AGBL4: variants seen among roughly 807,000 people sequenced by gnomAD.
AGBL4 encodes AGBL carboxypeptidase 4, also known as cytosolic carboxypeptidase 6.
In AGBL4, 58 loss-of-function variants were observed where a neutral mutation model predicts 66.4. The observed-to-expected ratio is 0.87, with a 90% CI of 0.71 to 1.09. The LOEUF (loss-of-function observed/expected upper bound fraction) is 1.09. Ranked by LOEUF, AGBL4 falls within the 50% of genes least tolerant of loss-of-function variation. The probability of loss-of-function intolerance (pLI) is 0.00; values close to 1 mark genes in which losing one functional copy is unlikely to be tolerated. For synonymous variants in AGBL4, 234 were observed against 222.9 expected, an observed-to-expected ratio of 1.05 and a Z score of -0.44; for missense variants, 579 against 631.0, an observed-to-expected ratio of 0.92 and a Z score of 0.88.
intron 8 of AGBL4, 34 bp from the exon 9 acceptor site, chr1:48,634,638 C>CA (rs1211653544): frequency 2.0e-6 from 3 of 1,479,210 alleles, no homozygotes; most frequent in Admixed American, 2.0e-5. Context: ...TCAATATAGA[C>CA]AGGATAAGCT....
chr1:48,576,026 G>C (rs936622333), intron 11 of AGBL4, among the ~76,000 whole-genome samples: 4 of 152,146 alleles, frequency 2.6e-5, no homozygotes, highest in Admixed American at 2.6e-4. Context: ...TAGAGCCACA[G>C]AGAACAGATC....
Position 50,019,306 on chromosome 1 carries a change from T to TCTCTCTCACACACA in AGBL4, c.34+4456_34+4457insTGTGTGTGAGAGAG, listed in dbSNP as rs1167835143. ...CTCTCTCTCTCTCTCTCTCTCTCTC[T>TCTCTCTCACACACA]CACACACACACACACACACACACAC... On this transcript the variant is annotated intron_variant, in intron 1 of 13. Transcript: ENST00000371839. 6.0e-3 allele frequency among the ~76,000 whole-genome samples: 288 copies of TCTCTCTCACACACA among 48,400 alleles called. 3 individuals are homozygous for TCTCTCTCACACACA. The highest frequency in any genetic ancestry group is 0.011 in the African/African-American group (155 of 13,504). The allele number at this position is 48,400 out of a possible 152,430, so 31.8% of individuals were successfully genotyped here.
At chr1:49,990,040 T>G (rs1051043059) in intron 1 of AGBL4, among the ~76,000 whole-genome samples, 1 of 152,206 alleles carries the variant, frequency 6.6e-6, no homozygotes, top group Admixed American at 6.5e-5. Context: ...TGTTAAATCC[T>G]GTGCCTCTAG....
At chr1:49,886,704 C>G (rs900654062) in intron 1 of AGBL4, among the ~76,000 whole-genome samples, 11 of 152,134 alleles carry the variant, frequency 7.2e-5, no homozygotes, top group African/African-American at 2.4e-4. Context: ...AGACCATTCT[C>G]CTTCCATACA....
rs540535305 is a variant in AGBL4, at chr1:49,232,751, T to C, written c.377+13019A>G. 6.9e-3 allele frequency among the ~76,000 whole-genome samples: 16 copies of C among 2,332 alleles called. No homozygotes were observed. In the South Asian group the frequency reaches 0.5, roughly 73 times the overall value. The allele number at this position is 2,332 out of a possible 152,430, so 1.5% of individuals were successfully genotyped here. A position where few individuals can be genotyped will look rare whatever the true frequency, so the allele number is the denominator to read the frequency against. On this transcript the variant is annotated intron_variant, in intron 4 of 13. Transcript: ENST00000371839. ...GGAAGTCAGAGTGTACTGCTGACTT[T>C]ATGGTTTTTTTGTTTTGTTAATCAT...
intron 2 of AGBL4, among the ~76,000 whole-genome samples, chr1:49,711,632 CTT>C (rs1337856718): frequency 1.3e-5 from 2 of 152,036 alleles, no homozygotes; most frequent in Non-Finnish European, 2.9e-5. Flanking sequence ...TATTTGCTCT[CTT>C]GATTGTGGCG....
At chr1:49,963,916 A>G (rs1300151293) in intron 1 of AGBL4, among the ~76,000 whole-genome samples, 1 of 152,078 alleles carries the variant, frequency 6.6e-6, no homozygotes, top group African/African-American at 2.4e-5. Flanking sequence ...ATAACTAAGA[A>G]TGGAATGGAA....
At chr1:49,756,040 T>C (rs777401656) in intron 2 of AGBL4, among the ~76,000 whole-genome samples, 15 of 152,210 alleles carry the variant, frequency 9.9e-5, no homozygotes, top group African/African-American at 1.2e-4. Context: ...CATTTTATAC[T>C]AGTGTTTCTC....
chr1:49,999,390 A>T (rs1328458984), intron 1 of AGBL4, among the ~76,000 whole-genome samples: 1 of 152,022 alleles, frequency 6.6e-6, no homozygotes, highest in East Asian at 1.9e-4. Context: ...GGAGGTAAAA[A>T]TCTCTACAGG....
chr1:49,479,096 A>G (rs1273976548), intron 3 of AGBL4, among the ~76,000 whole-genome samples: 1 of 152,062 alleles, frequency 6.6e-6, no homozygotes, highest in Non-Finnish European at 1.5e-5. Context: ...CAAAACAACC[A>G]GAAAAGAAAT....
At chr1:49,078,767 C>A (rs1245613281) in intron 4 of AGBL4, among the ~76,000 whole-genome samples, 1 of 152,150 alleles carries the variant, frequency 6.6e-6, no homozygotes, top group Non-Finnish European at 1.5e-5. Context: ...CTTTATTGAC[C>A]TTTTGTCTTC....
chr1:49,168,957 T>G (rs1646683304), intron 4 of AGBL4, among the ~76,000 whole-genome samples: 1 of 152,140 alleles, frequency 6.6e-6, no homozygotes, highest in Non-Finnish European at 1.5e-5. Flanking sequence ...ATAGGGCACA[T>G]TTTTCACTAA....
At position 50,023,783 on chromosome 1, in the gene AGBL4, C is replaced by T; in HGVS notation, c.14G>A (p.Ser5Asn). 6.5e-7 allele frequency: 1 copy of T among 1,549,596 alleles called. No individual in the cohort carries two copies. The highest frequency in any genetic ancestry group is 8.7e-7 in the Non-Finnish European group (1 of 1,146,140). The change falls in exon 1 of 14, where the codon AGC becomes AAC. Residue 5 changes from serine (S) to asparagine (N), a missense_variant. Ser to Asn is a conservative substitution (Grantham distance 46, BLOSUM62 1). Coordinates refer to ENST00000371839, the MANE Select transcript of AGBL4 (RefSeq NM_032785.4). MAEG[S>N]QSAPEAGNDM... Reference sequence around the variant, plus strand: ...CAGACCTGCCTCAGGCGCCGACTGGCTCCCCTCCGCCATTTTTGTTGTCCC... The same window carrying T: ...CAGACCTGCCTCAGGCGCCGACTGGTTCCCCTCCGCCATTTTTGTTGTCCC...
chr1:48,925,149 TACACACACAC>T (rs55896102), intron 5 of AGBL4, among the ~76,000 whole-genome samples: 2 of 145,916 alleles, frequency 1.4e-5, no homozygotes, highest in Admixed American at 6.8e-5. Context: ...TATATATACA[TACACACACAC>T]ACACACACAC....
chr1:49,748,819 C>T (rs1487727469), intron 2 of AGBL4, among the ~76,000 whole-genome samples: 6 of 152,120 alleles, frequency 3.9e-5, no homozygotes, highest in African/African-American at 1.4e-4. Flanking sequence ...TGAGAAGTGT[C>T]CGTTCATATC....
intron 3 of AGBL4, among the ~76,000 whole-genome samples, chr1:49,362,428 C>A: frequency 8.4e-6 from 1 of 119,734 alleles, no homozygotes; most frequent in East Asian, 2.4e-4. Context: ...CCAGCATGGG[C>A]AACAGAGCAA....
chr1:49,618,754 T>A lies in AGBL4; in HGVS notation c.282+78559A>T, dbSNP rs1402956250. On this transcript the variant is annotated intron_variant, in intron 3 of 13. Coordinates refer to ENST00000371839, the MANE Select transcript of AGBL4 (RefSeq NM_032785.4). ...CTGGCAAATCAAATCCAGCAACACATCAAAAAGTTTATCCACCATGATCAA... is the reference window on the plus strand; with the variant it reads ...CTGGCAAATCAAATCCAGCAACACAACAAAAAGTTTATCCACCATGATCAA... Among the ~76,000 whole-genome samples the A allele has an allele frequency of 2.0e-5, 3 of 152,038 alleles. No individual in the cohort carries two copies. The East Asian group carries it at 5.8e-4, about 29-fold the overall frequency.
At chr1:49,885,406 C>T (rs1199732873) in intron 1 of AGBL4, among the ~76,000 whole-genome samples, 2 of 151,828 alleles carry the variant, frequency 1.3e-5, no homozygotes, top group African/African-American at 4.8e-5. Context: ...CATTATATAG[C>T]TTCTTCCTAG....
At chr1:48,588,769 C>T (rs576288532) in intron 10 of AGBL4, among the ~76,000 whole-genome samples, 1 of 144,390 alleles carries the variant, frequency 6.9e-6, no homozygotes, top group East Asian at 2.0e-4. Context: ...AACTCCAACT[C>T]TCCTGTTTTA....
Sources: gnomAD v4.1 joint callset for allele counts (sites outside exome capture counted in the v4.1 genomes callset) on GRCh38, gnomAD v4.1.1 for gene constraint, MANE v1.5 for transcripts, NCBI Gene and HGNC (gene_info 2026-07-23, HGNC 2026-07-21) for gene names.